Variants in TPTE2 observed in about 807,000 individuals in gnomAD.
TPTE2 encodes transmembrane phosphoinositide 3-phosphatase and tensin homolog 2.
A neutral mutation model predicts 78.6 loss-of-function variants in TPTE2; 53 were observed. The observed-to-expected ratio is 0.67, with a 90% CI of 0.54 to 0.85. The LOEUF (loss-of-function observed/expected upper bound fraction) is 0.85, where lower values mean the gene tolerates loss of function less well. Ranked by LOEUF, TPTE2 falls within the 40% of genes least tolerant of loss-of-function variation. The probability of loss-of-function intolerance (pLI) is 0.00; values close to 1 mark genes in which losing one functional copy is unlikely to be tolerated. For synonymous variants in TPTE2, 175 were observed against 206.2 expected (o/e 0.85, Z 1.30); for missense variants, 461 against 623.0 (o/e 0.74, Z 2.77).
intron 17 of TPTE2, among the ~76,000 whole-genome samples, chr13:19,427,635 C>T (rs1359108077): frequency 6.6e-6 from 1 of 152,012 alleles, no homozygotes; most frequent in Non-Finnish European, 1.5e-5. Flanking sequence ...GGGGGTTGGG[C>T]CTGCATGCTC....
At chr13:19,497,235 C>T (rs1258527852) in intron 1 of TPTE2, among the ~76,000 whole-genome samples, 1 of 145,970 alleles carries the variant, frequency 6.9e-6, no homozygotes, top group Admixed American at 6.9e-5. Flanking sequence ...GGGCGCCCGA[C>T]ATTGCCCAGG....
At chr13:19,509,784 G>C (rs1201148259) in intron 1 of TPTE2, among the ~76,000 whole-genome samples, 4 of 152,094 alleles carry the variant, frequency 2.6e-5, no homozygotes, top group African/African-American at 9.7e-5. Flanking sequence ...TATCAATGGA[G>C]CAAAATATTG....
At chr13:19,465,345 T>C in intron 8 of TPTE2, 27 bp from the exon 12 acceptor site, 1 of 1,613,736 alleles carries the variant, frequency 6.2e-7, no homozygotes, top group Non-Finnish European at 8.5e-7. Context: ...ATCATTAGTT[T>C]GTGAAACATT....
upstream of TPTE2, among the ~76,000 whole-genome samples, chr13:19,540,905 C>A (rs1319739076): frequency 6.6e-6 from 1 of 152,184 alleles, no homozygotes; most frequent in Admixed American, 6.5e-5. Flanking sequence ...TAGCTGTCTA[C>A]TGGTGCATAA....
At chr13:19,463,059 C>G (rs1487051314) in intron 10 of TPTE2, among the ~76,000 whole-genome samples, 1 of 152,018 alleles carries the variant, frequency 6.6e-6, no homozygotes, top group Admixed American at 6.5e-5. Flanking sequence ...TCTTGGCTCA[C>G]TGCAACCTCT....
chr13:19,468,144 G>A (rs1395538645), intron 6 of TPTE2, among the ~76,000 whole-genome samples: 3 of 130,822 alleles, frequency 2.3e-5, no homozygotes, highest in African/African-American at 2.9e-5. Flanking sequence ...AGGTTCAAGC[G>A]ATTCTCCTGC....
chr13:19,446,885 A>C (rs922747321), intron 13 of TPTE2, among the ~76,000 whole-genome samples: 1 of 152,162 alleles, frequency 6.6e-6, no homozygotes, highest in African/African-American at 2.4e-5. Flanking sequence ...TCAGGCTGCA[A>C]TGAGCTGAGA....
chr13:19,493,655 T>G (rs1021450071), intron 1 of TPTE2, 154 bp from the exon 5 acceptor site: 2 of 750,984 alleles, frequency 2.7e-6, no homozygotes, highest in African/African-American at 3.4e-5. Context: ...CTATTTTTCT[T>G]TATTAGAAAT....
At chr13:19,490,228 A>G (rs185827081) in intron 3 of TPTE2, among the ~76,000 whole-genome samples, 281 of 152,284 alleles carry the variant, frequency 1.8e-3, no homozygotes, top group African/African-American at 6.4e-3. Context: ...AATCTCACCC[A>G]TCATTGATGA....
At chr13:19,483,563 G>C (rs1880484075) in intron 3 of TPTE2, among the ~76,000 whole-genome samples, 1 of 151,944 alleles carries the variant, frequency 6.6e-6, no homozygotes, top group East Asian at 1.9e-4. Context: ...CTAGCTAATG[G>C]TTTGTTGATA....
chr13:19,496,847 G>A (rs4531583), intron 1 of TPTE2, among the ~76,000 whole-genome samples: 1 of 152,132 alleles, frequency 6.6e-6, no homozygotes, highest in African/African-American at 2.4e-5. Context: ...CAGCGTGAGC[G>A]ACGCGGAAGA....
intron 15 of TPTE2, among the ~76,000 whole-genome samples, chr13:19,432,890 C>T (rs1228522652): frequency 2.0e-5 from 3 of 152,168 alleles, no homozygotes; most frequent in Middle Eastern, 3.4e-3. Flanking sequence ...CATCAGTGTC[C>T]AGACAGAAGC....
upstream of TPTE2, chr13:19,503,287 G>C: frequency 6.2e-7 from 1 of 1,613,378 alleles, no homozygotes; most frequent in Non-Finnish European, 8.5e-7. Context: ...ACTAGAGGAT[G>C]ACAAAAGAAT....
chr13:19,443,437 ACT>A lies in TPTE2; in HGVS notation c.974-5286_974-5285del, dbSNP rs1020883176. Among the ~76,000 whole-genome samples, 10 of 133,350 alleles carry A rather than the reference ACT, an allele frequency of 7.5e-5. No homozygotes were observed. The East Asian group carries it at 8.8e-4, about 12-fold the overall frequency. 87.5% of individuals were successfully genotyped at this position (133,350 alleles called of 152,430 possible). ...GTTTCATTTTTTCAGACAGAGTCTCACTCTGTCATCCAGGCTGGAGAGCAGTG... is the reference window on the plus strand; with the variant it reads ...GTTTCATTTTTTCAGACAGAGTCTCACTGTCATCCAGGCTGGAGAGCAGTG... On this transcript the variant is annotated intron_variant, in intron 13 of 19. Coordinates refer to ENST00000400230, the Ensembl canonical transcript of TPTE2.
In TPTE2 at chr13:19,500,796, G is replaced by A. The variant is rs1326758090; in HGVS notation, c.11+2428C>T. Among the ~76,000 whole-genome samples, 181 of 148,372 alleles carry A rather than the reference G, an allele frequency of 1.2e-3. No individual in the cohort carries two copies. The Middle Eastern group carries it at 0.017, about 14-fold the overall frequency. ...ATTCAACATAGTGTTGGAAGTTCTG[G>A]CCAGGGCAATTAGGCAGGAGAAGGA... On this transcript the variant is annotated intron_variant, in intron 1 of 19. Transcript: ENST00000400230.
chr13:19,530,363 C>A (rs934000275), intron 1 of TPTE2, among the ~76,000 whole-genome samples: 6 of 152,120 alleles, frequency 3.9e-5, no homozygotes, highest in Admixed American at 3.9e-4. Context: ...CATGGGGTGC[C>A]GAAAACCGAG....
At chr13:19,434,152 C>A (rs745488459) in intron 15 of TPTE2, among the ~76,000 whole-genome samples, 2 of 152,166 alleles carry the variant, frequency 1.3e-5, no homozygotes, top group African/African-American at 4.8e-5. Flanking sequence ...GGGTAAGCCA[C>A]GGGCTTTGCC....
upstream of TPTE2, among the ~76,000 whole-genome samples, chr13:19,541,428 C>T (rs1227390264): frequency 6.6e-6 from 1 of 152,120 alleles, no homozygotes; most frequent in Admixed American, 6.5e-5. Flanking sequence ...AGTGGATTTC[C>T]AATCCTAATC....
chr13:19,513,833 A>C (rs538503864), intron 1 of TPTE2, among the ~76,000 whole-genome samples: 1 of 152,224 alleles, frequency 6.6e-6, no homozygotes, highest in East Asian at 1.9e-4. Context: ...ATTCATTCCC[A>C]TTTGTAGGCA....
Sources: allele counts gnomAD v4.1 joint callset (sites outside exome capture counted in the v4.1 genomes callset), GRCh38; gene constraint gnomAD v4.1.1; transcripts MANE v1.5; gene names NCBI Gene and HGNC (gene_info 2026-07-23, HGNC 2026-07-21).